The following MDFIC variants were observed in gnomAD, a reference collection of about 807,000 sequenced individuals.
The protein encoded by MDFIC is myoD family inhibitor domain-containing protein.
MDFIC carries 17 observed loss-of-function variants against 23.2 expected under a neutral mutation model. The observed-to-expected ratio is 0.73, with a 90% CI of 0.50 to 1.10. The LOEUF is 1.10. Among genes scored for constraint, MDFIC ranks in the 50% least tolerant of loss-of-function variants. The pLI is 0.00. For synonymous variants in MDFIC, 120 were observed against 115.2 expected (o/e 1.04, Z -0.27); for missense variants, 356 against 316.6 (o/e 1.12, Z -0.95).
Position 114,946,194 on chromosome 7 carries a change from T to C in MDFIC, c.217+3797T>C, listed in dbSNP as rs940249463. 2.0e-5 allele frequency among the ~76,000 whole-genome samples: 3 copies of C among 151,536 alleles called. No homozygotes were observed. In the East Asian group the frequency reaches 5.8e-4, roughly 29 times the overall value. On this transcript the variant is annotated intron_variant, in intron 3 of 4. Transcript: ENST00000393486. ...AACAGAAGCAACATTTTGATCTCAG[T>C]CTTTGCGGGGATTTCTAAGGTAGGA...
intron 3 of MDFIC, among the ~76,000 whole-genome samples, chr7:114,975,875 A>C (rs923283387): frequency 6.6e-6 from 1 of 152,144 alleles, no homozygotes; most frequent in African/African-American, 2.4e-5. Flanking sequence ...ATGTTAAAAA[A>C]ACTAGAGTAA....
chr7:114,995,895 C>G (rs556062252), intron 4 of MDFIC, among the ~76,000 whole-genome samples: 85 of 152,314 alleles, frequency 5.6e-4, no homozygotes, highest in African/African-American at 1.9e-3. Context: ...AATCACCTGT[C>G]TTCTGCGTCA....
Position 114,953,502 on chromosome 7 carries a change from T to TG in MDFIC, c.217+11106dup, listed in dbSNP as rs761476180. ...CCAATCTGGTCCTGGATAGTTGATGTGAAGGGATGTTGATATTATATTAAT... is the reference window on the plus strand; with the variant it reads ...CCAATCTGGTCCTGGATAGTTGATGTGGAAGGGATGTTGATATTATATTAAT... On this transcript the variant is annotated intron_variant, in intron 3 of 4. Coordinates refer to ENST00000393486, the MANE Select transcript of MDFIC (RefSeq NM_001166345.3). Among the ~76,000 whole-genome samples, 4 of 152,318 alleles carry TG rather than the reference T, an allele frequency of 2.6e-5. No individual in the cohort carries two copies. The South Asian group carries it at 8.3e-4, about 32-fold the overall frequency.
chr7:114,992,480 G>T (rs1324215487), intron 4 of MDFIC, among the ~76,000 whole-genome samples: 1 of 152,176 alleles, frequency 6.6e-6, no homozygotes, highest in Non-Finnish European at 1.5e-5. Context: ...GATATTGGCT[G>T]TGGGTTTGTC....
chr7:114,949,495 G>A (rs1445408960), intron 3 of MDFIC, among the ~76,000 whole-genome samples: 1 of 152,196 alleles, frequency 6.6e-6, no homozygotes, highest in Non-Finnish European at 1.5e-5. Flanking sequence ...TGAACACTCT[G>A]TGAACTTACA....
At chr7:114,986,600 T>C (rs534946331) in intron 4 of MDFIC, among the ~76,000 whole-genome samples, 1 of 152,338 alleles carries the variant, frequency 6.6e-6, no homozygotes, top group African/African-American at 2.4e-5. Context: ...CTGTAATGCA[T>C]AGACATGTCT....
intron 3 of MDFIC, among the ~76,000 whole-genome samples, chr7:114,974,457 T>G (rs895134916): frequency 2.6e-5 from 4 of 152,166 alleles, no homozygotes; most frequent in African/African-American, 9.7e-5. Flanking sequence ...TCTACATTGA[T>G]CATTTTGTTA....
Position 114,969,446 on chromosome 7 carries a change from C to T in MDFIC, c.218-10060C>T, listed in dbSNP as rs568020495. On this transcript the variant is annotated intron_variant, in intron 3 of 4. Transcript: ENST00000393486. ...GCATATATGTGTCTGATACGGTTGA[C>T]GGAATTCTAAGAATATAGGATCTTG... Among the ~76,000 whole-genome samples the T allele has an allele frequency of 7.2e-5, 11 of 152,230 alleles. No homozygotes were observed. The South Asian group carries it at 8.3e-4, about 11-fold the overall frequency.
chr7:114,994,686 C>A (rs144155199), intron 4 of MDFIC, among the ~76,000 whole-genome samples: 2,186 of 152,332 alleles, frequency 0.014, 58 homozygotes, highest in African/African-American at 0.049. Context: ...CCCCCACTCT[C>A]TTCTGGCTTG....
rs866941061 is a variant in MDFIC, at chr7:114,996,262, C to T, written c.493+16481C>T. ...CACATGGGAGGTAATAGGATTGGAT[C>T]GGGGTGACAGTGATGGAGGTGATGA... On this transcript the variant is annotated intron_variant, in intron 4 of 4. Transcript: ENST00000393486. Among the ~76,000 whole-genome samples, 7 of 152,064 alleles carry T rather than the reference C, an allele frequency of 4.6e-5. No homozygotes were observed. In the East Asian group the frequency reaches 9.6e-4, roughly 21 times the overall value.
At position 114,922,390 on chromosome 7, in the gene MDFIC, G is replaced by A. The variant is rs966901891; in HGVS notation, c.-354G>A. The A allele has an allele frequency of 3.2e-6, 4 of 1,236,508 alleles. No homozygotes were observed. The Admixed American group carries it at 1.7e-4, about 52-fold the overall frequency. The allele number at this position is 1,236,508 out of a possible 1,614,324, so 76.6% of individuals were successfully genotyped here. On this transcript the variant is annotated 5_prime_UTR_variant, in exon 1 of 5. The change creates a new upstream start codon in the 5' untranslated region. Transcript: ENST00000393486. ...CCCCCTCGCAGGGGAGCCGGCTGGA[G>A]TGAGCTGGCTGGAAAGAGGGGGCGG...
chr7:114,979,398 G>C, intron 3 of MDFIC, 108 bp from the exon 4 acceptor site: 1 of 1,123,930 alleles, frequency 8.9e-7, no homozygotes, highest in Admixed American at 3.0e-5. Flanking sequence ...TTCAGTGTTA[G>C]TATTATGGGT....
At chr7:114,932,236 A>G (rs1792323029) in intron 2 of MDFIC, among the ~76,000 whole-genome samples, 1 of 152,226 alleles carries the variant, frequency 6.6e-6, no homozygotes, top group African/African-American at 2.4e-5. Flanking sequence ...ACTTCAGCTA[A>G]GGAGTAACAT....
chr7:115,005,340 A>G (rs910434294), intron 4 of MDFIC, among the ~76,000 whole-genome samples: 2 of 152,174 alleles, frequency 1.3e-5, no homozygotes, highest in Non-Finnish European at 2.9e-5. Flanking sequence ...TAATTGAAAT[A>G]CCTTTGTTTT....
At chr7:114,929,084 G>GATCTATCTATCTATCTTTCTATCTATCT (rs1554470003) in intron 2 of MDFIC, among the ~76,000 whole-genome samples, 1 of 147,960 alleles carries the variant, frequency 6.8e-6, no homozygotes, top group Non-Finnish European at 1.5e-5. Context: ...GATAAATATA[G>GATCTATCTATCTATCTTTCTATCTATCT]ATCTATCTAT....
At chr7:114,948,461 G>A (rs1324027781) in intron 3 of MDFIC, among the ~76,000 whole-genome samples, 1 of 151,924 alleles carries the variant, frequency 6.6e-6, no homozygotes, top group Non-Finnish European at 1.5e-5. Context: ...TGCATCCGAT[G>A]TTCCTTATTT....
At position 114,937,527 on chromosome 7, in the gene MDFIC, G is replaced by C. The variant is rs77552526; in HGVS notation, c.95-4748G>C. ...TTTGCAGAATTTTTGAGCCAGAAAG[G>C]CTTCTTCATTCATCCAGTTCAACCC... On this transcript the variant is annotated intron_variant, in intron 2 of 4. Coordinates refer to ENST00000393486, the MANE Select transcript of MDFIC (RefSeq NM_001166345.3). 1.3e-3 allele frequency among the ~76,000 whole-genome samples: 204 copies of C among 152,288 alleles called. 5 individuals are homozygous for C. In the East Asian group the frequency reaches 0.029, roughly 22 times the overall value.
At chr7:114,948,882 GA>G (rs1218132117) in intron 3 of MDFIC, among the ~76,000 whole-genome samples, 2 of 152,050 alleles carry the variant, frequency 1.3e-5, no homozygotes, top group Non-Finnish European at 2.9e-5. Context: ...CAGAGTGTAA[GA>G]AAAAAGAGAC....
intron 2 of MDFIC, among the ~76,000 whole-genome samples, chr7:114,935,195 T>C (rs1792399590): frequency 6.6e-6 from 1 of 152,120 alleles, no homozygotes; most frequent in Non-Finnish European, 1.5e-5. Flanking sequence ...AGAGTAAATA[T>C]GAAATTGTTT....
Sources: gnomAD v4.1 joint callset for allele counts (sites outside exome capture counted in the v4.1 genomes callset) on GRCh38, gnomAD v4.1.1 for gene constraint, MANE v1.5 for transcripts, NCBI Gene and HGNC (gene_info 2026-07-23, HGNC 2026-07-21) for gene names.